Variants in NCOR2 observed in about 807,000 individuals in gnomAD.
The protein encoded by NCOR2 is nuclear receptor corepressor 2, also known as CTG repeat protein 26.
NCOR2 carries 81 observed loss-of-function variants against 262.9 expected under a neutral mutation model. That is an observed-to-expected ratio of 0.31 (90% CI 0.26 to 0.37). The LOEUF is 0.37. NCOR2 is among the 10% of genes least tolerant of loss of function. NCOR2 has a pLI of 1.00. For missense variants in NCOR2, 3,385 were observed against 3,621.4 expected (o/e 0.93, Z 1.68); for synonymous variants, 1,659 against 1,559.3 (o/e 1.06, Z -1.51).
At chr12:124,565,315 T>C (rs2052200658) in intron 1 of NCOR2, among the ~76,000 whole-genome samples, 1 of 152,012 alleles carries the variant, frequency 6.6e-6, no homozygotes, top group Non-Finnish European at 1.5e-5. Context: ...CAGCAGTGAA[T>C]TTCCAAGCAG....
At chr12:124,536,179 C>T (rs1031090632), upstream of NCOR2, among the ~76,000 whole-genome samples, 7 of 152,132 alleles carry the variant, frequency 4.6e-5, no homozygotes, top group East Asian at 7.7e-4. Context: ...AACCCTAAGG[C>T]GATCCTCCCA....
chr12:124,363,766 C>T (rs779125633), exon 21 of NCOR2: 15 of 1,380,676 alleles, frequency 1.1e-5, no homozygotes, highest in South Asian at 9.6e-5. Context: ...GGTCGCCAGT[C>T]GGGGTGAGGA....
At chr12:124,431,160 A>G in intron 8 of NCOR2, among the ~76,000 whole-genome samples, 1 of 146,644 alleles carries the variant, frequency 6.8e-6, no homozygotes, top group Non-Finnish European at 1.5e-5. Context: ...GCAGTCACAG[A>G]CACACACAGA....
At chr12:124,377,838 G>GAA (rs111815361) in intron 18 of NCOR2, among the ~76,000 whole-genome samples, 10 of 125,336 alleles carry the variant, frequency 8.0e-5, no homozygotes, top group South Asian at 2.7e-4. Context: ...GACTCCGTCT[G>GAA]AAAAAAAAAA....
At chr12:124,465,733 C>G (rs1000460847) in intron 5 of NCOR2, among the ~76,000 whole-genome samples, 1 of 152,194 alleles carries the variant, frequency 6.6e-6, no homozygotes, top group Non-Finnish European at 1.5e-5. Context: ...GGAAATGACA[C>G]CTGTACCTGC....
intron 5 of NCOR2, among the ~76,000 whole-genome samples, chr12:124,458,638 C>T (rs1455615676): frequency 6.6e-6 from 1 of 152,232 alleles, no homozygotes; most frequent in African/African-American, 2.4e-5. Flanking sequence ...GCATAAGCGC[C>T]ATGGGAGGTA....
At chr12:124,362,850 G>T (rs1231654648) in intron 21 of NCOR2, among the ~76,000 whole-genome samples, 1 of 150,998 alleles carries the variant, frequency 6.6e-6, no homozygotes, top group Non-Finnish European at 1.5e-5. Flanking sequence ...CAGCTGCCTG[G>T]TGATGGACAG....
rs1185505232 is a variant in NCOR2 at position 124,333,867 on chromosome 12, C to T, written c.6605+557G>A. ...GTGTGCGGGTGTGCATGTGTGTGTG[C>T]GCATGTGTGCGGGTGTGCATGTGTG... On this transcript the variant is annotated intron_variant, in intron 41 of 46. Transcript: ENST00000405201. 4.2e-4 allele frequency among the ~76,000 whole-genome samples: 12 copies of T among 28,510 alleles called. No individual in the cohort carries two copies. The East Asian group carries it at 8.2e-3, about 20-fold the overall frequency. The allele number at this position is 28,510 out of a possible 152,430, so 18.7% of individuals were successfully genotyped here.
rs374541741 is a variant in NCOR2, at chr12:124,342,079, G to A, written c.4937-5C>T. On this transcript the variant is annotated splice_region_variant and splice_polypyrimidine_tract_variant and intron_variant, in intron 33 of 46. Transcript: ENST00000405201. ...GGGGCAGGTAGTAGGCAGCGGCTGC[G>A]GGGCAGAGGGGAGCTCATGTGAGGC... 88 of 1,602,060 alleles carry A rather than the reference G, an allele frequency of 5.5e-5. No homozygotes were observed. The highest frequency in any genetic ancestry group is 1.1e-4 in the African/African-American group (8 of 74,792).
chr12:124,478,640 C>T (rs553338882), intron 3 of NCOR2, among the ~76,000 whole-genome samples: 5 of 152,156 alleles, frequency 3.3e-5, no homozygotes, highest in East Asian at 1.9e-4. Context: ...GCAATTACTG[C>T]GGCCAGGCTG....
intron 12 of NCOR2, among the ~76,000 whole-genome samples, chr12:124,420,484 C>T (rs768672870): frequency 8.5e-5 from 13 of 152,152 alleles, no homozygotes; most frequent in Non-Finnish European, 1.6e-4. Flanking sequence ...TTCTCTTTTC[C>T]CTGGCTTCAG....
chr12:124,378,139 C>T lies in NCOR2; in HGVS notation c.2167+98G>A. ...CCTTCTAAGGAGGACCCAGATGACT[C>T]AGGGGAGAGGAGGCTGCCGGGATCA... On this transcript the variant is annotated intron_variant, in intron 18 of 46. Transcript: ENST00000405201. This position sits in a 1 kb window ranked among gnomAD's most constrained non-coding sequence, Gnocchi z 4.2. The T allele has an allele frequency of 2.0e-6, 3 of 1,532,098 alleles. No individual in the cohort carries two copies. The highest frequency in any genetic ancestry group is 2.6e-6 in the Non-Finnish European group (3 of 1,141,514). The allele number at this position is 1,532,098 out of a possible 1,614,324, so 94.9% of individuals were successfully genotyped here.
chr12:124,495,236 G>C lies in NCOR2; in HGVS notation c.16C>G (p.Gln6Glu). Residue 6 changes from glutamine to glutamate, a missense_variant, in exon 1 of 47, where the codon CAG (glutamine) becomes GAG (glutamate). By Grantham distance (29) the Gln-to-Glu change is conservative (BLOSUM62 2). Around this residue, in one of 5 missense-constraint regions of NCOR2, gnomAD observed 237 missense variants for 229.4 expected, o/e 1.03. Coordinates refer to ENST00000405201, the Ensembl canonical transcript of NCOR2. This position sits in a 1 kb window ranked among gnomAD's most constrained non-coding sequence, Gnocchi z 4.4. Reference sequence around the variant, plus strand: ...GCCCTCCACGTCTGTGCCACAGGCTGTGTGGATCCCGACATGGTGGTGGGG... The same window carrying C: ...GCCCTCCACGTCTGTGCCACAGGCTCTGTGGATCCCGACATGGTGGTGGGG... 1 of 1,613,478 alleles carries C rather than the reference G, an allele frequency of 6.2e-7. No homozygotes were observed. Among genetic ancestry groups the C allele is most frequent in the Non-Finnish European group, 8.5e-7 (1 of 1,179,756 alleles).
intron 1 of NCOR2, among the ~76,000 whole-genome samples, chr12:124,554,024 G>T (rs867470785): frequency 6.6e-6 from 1 of 152,158 alleles, no homozygotes; most frequent in Non-Finnish European, 1.5e-5. Context: ...TGGTGACTAC[G>T]CTCTCACAAA....
chr12:124,387,253 C>T (rs934069670), intron 16 of NCOR2, among the ~76,000 whole-genome samples: 27 of 149,612 alleles, frequency 1.8e-4, no homozygotes, highest in African/African-American at 6.7e-4. Context: ...CACCCACCCA[C>T]GTGCTGGCTG....
chr12:124,374,425 A>C (rs770507824), exon 19 of NCOR2: 1 of 1,613,008 alleles, frequency 6.2e-7, no homozygotes. Flanking sequence ...GGGCCACTGC[A>C]TTCCCCTCTG....
At chr12:124,486,651 G>A in intron 1 of NCOR2, 83 bp from the exon 4 acceptor site, 1 of 1,463,028 alleles carries the variant, frequency 6.8e-7, no homozygotes, top group Non-Finnish European at 9.1e-7. Flanking sequence ...GCAAGGCCGT[G>A]GACTCCCTGC....
chr12:124,483,450 C>T lies in NCOR2; in HGVS notation c.411+146G>A. 1.2e-6 allele frequency: 1 copy of T among 865,426 alleles called. No individual in the cohort carries two copies. The highest frequency in any genetic ancestry group is 1.7e-6 in the Non-Finnish European group (1 of 591,794). 53.6% of individuals were successfully genotyped at this position (865,426 alleles called of 1,614,324 possible). A position where few individuals can be genotyped will look rare whatever the true frequency, so the allele number is the denominator to read the frequency against. ...CGCCTGCCCTCTTCCTGCCACCCAG[C>T]TCTGTGCACCCGGTGCTTGGCCCAC... On this transcript the variant is annotated intron_variant, in intron 3 of 46. Transcript: ENST00000405201. The surrounding 1 kb of genome is among the most constrained non-coding windows in gnomAD (Gnocchi z 6.3).
intron 7 of NCOR2, among the ~76,000 whole-genome samples, chr12:124,438,550 AC>A (rs113667942): frequency 0.18 from 26,715 of 150,548 alleles, 2,441 homozygotes; most frequent in South Asian, 0.22. Flanking sequence ...ACTTCAGGAA[AC>A]CCCCGGGCGG....
Sources: allele counts gnomAD v4.1 joint callset (sites outside exome capture counted in the v4.1 genomes callset), GRCh38; gene constraint gnomAD v4.1.1; regional missense constraint gnomAD v4.1.1; non-coding constraint Gnocchi (gnomAD v3.1); transcripts MANE v1.5; gene names NCBI Gene and HGNC (gene_info 2026-07-23, HGNC 2026-07-21).